Variants in GOLIM4 observed in about 807,000 individuals in gnomAD.
GOLIM4 encodes golgi integral membrane protein 4.
Under a neutral mutation model 107.4 loss-of-function variants are expected in GOLIM4, and 71 were observed. The ratio of observed to expected loss-of-function variants is 0.66; its 90% CI spans 0.55 to 0.81. The LOEUF is 0.81. GOLIM4 is among the 30% of genes least tolerant of loss of function. The pLI is 0.00. For missense variants in GOLIM4, 830 were observed against 826.1 expected (o/e 1.00, Z -0.06); for synonymous variants, 327 against 294.8 (o/e 1.11, Z -1.12).
intron 1 of GOLIM4, among the ~76,000 whole-genome samples, chr3:168,068,935 C>T (rs1720697419): frequency 6.6e-6 from 1 of 151,668 alleles, no homozygotes. Flanking sequence ...CTGCCGGGTT[C>T]AAGCGATTCT....
chr3:168,052,846 G>C (rs1719731351), intron 1 of GOLIM4, among the ~76,000 whole-genome samples: 1 of 152,114 alleles, frequency 6.6e-6, no homozygotes, highest in Non-Finnish European at 1.5e-5. Context: ...GCAACAAAAA[G>C]CTATATATTG....
intron 14 of GOLIM4, among the ~76,000 whole-genome samples, chr3:168,015,245 AACAG>A (rs1478283659): frequency 7.4e-6 from 1 of 135,862 alleles, no homozygotes; most frequent in Non-Finnish European, 1.5e-5. Flanking sequence ...ACACACCAGC[AACAG>A]ACAAACAGAG....
At chr3:168,087,093 C>T (rs545083868) in intron 1 of GOLIM4, among the ~76,000 whole-genome samples, 7 of 152,060 alleles carry the variant, frequency 4.6e-5, no homozygotes, top group Non-Finnish European at 1.0e-4. Flanking sequence ...ACCCCTCAGG[C>T]GAGTTCTTAC....
intron 14 of GOLIM4, among the ~76,000 whole-genome samples, chr3:168,020,061 T>C (rs889937252): frequency 2.0e-5 from 3 of 152,240 alleles, no homozygotes; most frequent in Admixed American, 2.0e-4. Flanking sequence ...GTACACTTAA[T>C]TACGGTAGCC....
chr3:168,030,510 C>CAAAA (rs11411251), intron 9 of GOLIM4, among the ~76,000 whole-genome samples: 1 of 102,448 alleles, frequency 9.8e-6, no homozygotes, highest in Non-Finnish European at 2.0e-5. Context: ...TAAGCATAGC[C>CAAAA]AAAAAAAAAA....
In GOLIM4 at chr3:168,056,961, A is replaced by G. The variant is rs189057455; in HGVS notation, c.188-8596T>C. ...TGGTTTTGAAATGTGAGGGCATGAG[A>G]TGTGGGAGGGGTCAGGGGTGGAATG... On this transcript the variant is annotated intron_variant, in intron 1 of 15. Transcript: ENST00000470487. 2.4e-3 allele frequency among the ~76,000 whole-genome samples: 366 copies of G among 152,094 alleles called. 2 individuals carry two copies. The highest frequency in any genetic ancestry group is 8.4e-3 in the African/African-American group (348 of 41,470).
chr3:168,088,315 T>C (rs1165481354), intron 1 of GOLIM4, among the ~76,000 whole-genome samples: 1 of 152,134 alleles, frequency 6.6e-6, no homozygotes, highest in African/African-American at 2.4e-5. Context: ...TCTTACCTAC[T>C]AGATGTAGTA....
chr3:168,038,681 A>G (rs1380950113), intron 7 of GOLIM4, among the ~76,000 whole-genome samples: 1 of 152,254 alleles, frequency 6.6e-6, no homozygotes, highest in East Asian at 1.9e-4. Flanking sequence ...TCAAGGCAGA[A>G]TCTCCTAAGA....
intron 11 of GOLIM4, 145 bp from the exon 12 acceptor site, chr3:168,027,982 T>C: frequency 1.6e-6 from 1 of 633,676 alleles, no homozygotes; most frequent in Admixed American, 2.8e-5. Flanking sequence ...ATGTCCTGGC[T>C]TTTCTGAATA....
At chr3:168,026,623 C>A (rs894310606) in intron 12 of GOLIM4, among the ~76,000 whole-genome samples, 1 of 152,182 alleles carries the variant, frequency 6.6e-6, no homozygotes, top group Non-Finnish European at 1.5e-5. Flanking sequence ...GCCCTTCCTC[C>A]CACCCCATGC....
At chr3:168,089,060 T>C (rs61295447) in intron 1 of GOLIM4, among the ~76,000 whole-genome samples, 31,612 of 152,200 alleles carry the variant, frequency 0.21, 5,767 homozygotes, top group African/African-American at 0.5. Context: ...ATAGATTATG[T>C]GCAAATCATA....
At chr3:168,011,436 T>C (rs1305630566) in intron 14 of GOLIM4, among the ~76,000 whole-genome samples, 2 of 151,684 alleles carry the variant, frequency 1.3e-5, no homozygotes, top group African/African-American at 4.9e-5. Flanking sequence ...CAGTCTGAGA[T>C]CAAACTGCAA....
rs746803040 is a variant in GOLIM4 at position 168,009,333 on chromosome 3, A to C, written c.*936T>G. ...TCTTCATATTTATACTTATTATCAA[A>C]GTGATTGCATATTGAGGCACAGAGC... is the stretch of plus-strand genomic sequence containing the variant. On this transcript the variant is annotated 3_prime_UTR_variant, in exon 16 of 16. Transcript: ENST00000470487. 2.0e-5 allele frequency: 3 copies of C among 150,364 alleles called. No individual in the cohort carries two copies. Among genetic ancestry groups the C allele is most frequent in the Non-Finnish European group, 4.4e-5 (3 of 67,602 alleles). 9.3% of individuals were successfully genotyped at this position (150,364 alleles called of 1,614,324 possible).
At chr3:168,038,439 C>A (rs1004143762) in intron 7 of GOLIM4, among the ~76,000 whole-genome samples, 4 of 152,036 alleles carry the variant, frequency 2.6e-5, no homozygotes, top group African/African-American at 9.7e-5. Context: ...AGGACAAGGC[C>A]CAGGTACCTG....
chr3:168,048,052 C>A (rs1719411875), intron 2 of GOLIM4, among the ~76,000 whole-genome samples: 1 of 149,218 alleles, frequency 6.7e-6, no homozygotes, highest in South Asian at 2.2e-4. Context: ...ATAAGTGTAA[C>A]CAATATATGA....
chr3:168,071,998 C>T (rs1720858016), intron 1 of GOLIM4, among the ~76,000 whole-genome samples: 3 of 151,972 alleles, frequency 2.0e-5, no homozygotes, highest in Non-Finnish European at 4.4e-5. Context: ...GGAAGGATAC[C>T]TAGAGAAAAA....
intron 1 of GOLIM4, among the ~76,000 whole-genome samples, chr3:168,060,781 A>T (rs534413256): frequency 1.8e-4 from 27 of 152,222 alleles, no homozygotes; most frequent in Non-Finnish European, 3.2e-4. Context: ...AAGTTTAGTA[A>T]GAGTGCCTCA....
At chr3:168,070,285 C>A (rs1174542277) in intron 1 of GOLIM4, among the ~76,000 whole-genome samples, 5 of 152,166 alleles carry the variant, frequency 3.3e-5, no homozygotes. Context: ...CCTAGCTACT[C>A]AGGAGGCTAA....
In GOLIM4 at chr3:168,039,424, T is replaced by C. The variant is rs538014027; in HGVS notation, c.684+1362A>G. On this transcript the variant is annotated intron_variant, in intron 7 of 15. Coordinates refer to ENST00000470487, the MANE Select transcript of GOLIM4 (RefSeq NM_014498.5). Reference sequence around the variant, plus strand: ...GATTACAGGTGCACACCACCACGCCTGGCTAATTTTTGTATTTTTAGTAGA... The same window carrying C: ...GATTACAGGTGCACACCACCACGCCCGGCTAATTTTTGTATTTTTAGTAGA... 1.7e-3 allele frequency among the ~76,000 whole-genome samples: 255 copies of C among 151,924 alleles called. 1 individual carries two copies. Among genetic ancestry groups the C allele is most frequent in the African/African-American group, 5.8e-3 (239 of 41,466 alleles).
Sources: allele counts gnomAD v4.1 joint callset (sites outside exome capture counted in the v4.1 genomes callset), GRCh38; gene constraint gnomAD v4.1.1; transcripts MANE v1.5; gene names NCBI Gene and HGNC (gene_info 2026-07-23, HGNC 2026-07-21).